Variants in LRP1B observed in about 807,000 individuals in gnomAD.
The protein encoded by LRP1B is LDL receptor related protein 1B.
Under a neutral mutation model 556.6 loss-of-function variants are expected in LRP1B, and 217 were observed. The ratio of observed to expected loss-of-function variants is 0.39; its 90% CI spans 0.35 to 0.44. The LOEUF (loss-of-function observed/expected upper bound fraction) is 0.44, where lower values mean the gene tolerates loss of function less well. Among genes scored for constraint, LRP1B ranks in the 20% least tolerant of loss-of-function variants. The pLI is 1.00. For synonymous variants in LRP1B, 2,047 were observed against 1,865.8 expected (o/e 1.10, Z -2.50); for missense variants, 5,053 against 5,620.8 (o/e 0.90, Z 3.23).
intron 1 of LRP1B, among the ~76,000 whole-genome samples, chr2:141,994,388 A>G (rs1166118847): frequency 6.6e-6 from 1 of 152,198 alleles, no homozygotes; most frequent in Non-Finnish European, 1.5e-5. Flanking sequence ...TTTCTTTTGG[A>G]AATTCACGAA....
intron 2 of LRP1B, among the ~76,000 whole-genome samples, chr2:141,574,672 G>C (rs1686669827): frequency 6.6e-6 from 1 of 152,068 alleles, no homozygotes; most frequent in African/African-American, 2.4e-5. Flanking sequence ...AATCATCTCT[G>C]TTTCCACATG....
intron 15 of LRP1B, among the ~76,000 whole-genome samples, chr2:140,995,237 A>G (rs1053242000): frequency 1.3e-5 from 2 of 152,090 alleles, no homozygotes; most frequent in African/African-American, 4.8e-5. Flanking sequence ...CTTGCAAAAC[A>G]ACATGCAACA....
chr2:140,766,859 T>TATATAATATATATATA (rs1689136998), intron 35 of LRP1B, among the ~76,000 whole-genome samples: 2 of 50,214 alleles, frequency 4.0e-5, no homozygotes, highest in African/African-American at 4.5e-5. Context: ...TATATATATA[T>TATATAATATATATATA]ATATATAATA....
intron 3 of LRP1B, among the ~76,000 whole-genome samples, chr2:141,421,633 A>G (rs368488417): frequency 1.1e-4 from 17 of 152,364 alleles, no homozygotes; most frequent in African/African-American, 3.4e-4. Flanking sequence ...AAAAAGGGCT[A>G]ACAATAATAC....
chr2:142,071,501 A>C (rs1478389321), intron 1 of LRP1B, among the ~76,000 whole-genome samples: 1 of 151,992 alleles, frequency 6.6e-6, no homozygotes, highest in Non-Finnish European at 1.5e-5. Context: ...TAGAAATCAA[A>C]GGAAGAATAA....
rs1559131412 is a variant in LRP1B at position 141,544,356 on chromosome 2, T to TTCTTTTCTTCTTCTTCTTCTTCTTCTTCC, written c.206-63824_206-63823insGGAAGAAGAAGAAGAAGAAGAAGAAAAGA. Among the ~76,000 whole-genome samples, 7 of 96,830 alleles carry TTCTTTTCTTCTTCTTCTTCTTCTTCTTCC rather than the reference T, an allele frequency of 7.2e-5. 1 individual carries two copies. Among genetic ancestry groups the TTCTTTTCTTCTTCTTCTTCTTCTTCTTCC allele is most frequent in the Admixed American group, 2.6e-4 (2 of 7,836 alleles). The allele number at this position is 96,830 out of a possible 152,430, so 63.5% of individuals were successfully genotyped here. On this transcript the variant is annotated intron_variant, in intron 2 of 90. Transcript: ENST00000389484. The stretch of plus-strand genomic sequence containing the variant: ...CTTCTTCTTCTTCTTCTTCTTCTTC[T>TTCTTTTCTTCTTCTTCTTCTTCTTCTTCC]TCTTCTTCTTCTTCTTCTTCTTCTT...
chr2:140,347,187 C>T (rs1009236257), intron 77 of LRP1B, among the ~76,000 whole-genome samples: 4 of 151,612 alleles, frequency 2.6e-5, no homozygotes, highest in African/African-American at 9.7e-5. Context: ...TTGCATAATG[C>T]TGTTATATTC....
At chr2:141,512,651 A>G (rs928153371) in intron 2 of LRP1B, among the ~76,000 whole-genome samples, 1 of 152,184 alleles carries the variant, frequency 6.6e-6, no homozygotes, top group Non-Finnish European at 1.5e-5. Context: ...GGATTTGCTC[A>G]TTACAGCAGT....
intron 85 of LRP1B, among the ~76,000 whole-genome samples, chr2:140,272,941 C>CA (rs1682525984): frequency 6.6e-6 from 1 of 151,900 alleles, no homozygotes; most frequent in South Asian, 2.1e-4. Context: ...TGTTGCACCT[C>CA]AATAGCCTGC....
At chr2:140,260,699 T>C (rs1321242418) in intron 86 of LRP1B, among the ~76,000 whole-genome samples, 1 of 151,836 alleles carries the variant, frequency 6.6e-6, no homozygotes, top group Non-Finnish European at 1.5e-5. Context: ...TTCCCACATT[T>C]ACTTAAGGTC....
At chr2:141,278,832 C>G (rs1004590896) in intron 3 of LRP1B, among the ~76,000 whole-genome samples, 1 of 152,120 alleles carries the variant, frequency 6.6e-6, no homozygotes, top group Non-Finnish European at 1.5e-5. Flanking sequence ...GATACCCTTT[C>G]CTTAATTTTA....
chr2:141,687,316 A>T (rs569329545), intron 2 of LRP1B, among the ~76,000 whole-genome samples: 1 of 152,096 alleles, frequency 6.6e-6, no homozygotes, highest in Admixed American at 6.6e-5. Flanking sequence ...TGAAAATCTG[A>T]CTTTATAATC....
At chr2:141,291,568 G>A (rs1411423576) in intron 3 of LRP1B, among the ~76,000 whole-genome samples, 2 of 151,960 alleles carry the variant, frequency 1.3e-5, no homozygotes, top group African/African-American at 4.8e-5. Context: ...ATTAAAACTT[G>A]TTTGGAGGCC....
chr2:140,353,582 C>T (rs1682072737), intron 75 of LRP1B, among the ~76,000 whole-genome samples: 1 of 152,036 alleles, frequency 6.6e-6, no homozygotes, highest in African/African-American at 2.4e-5. Flanking sequence ...CTTTTCCATA[C>T]AGAATTTCTA....
chr2:140,478,546 T>C (rs1458979259), intron 59 of LRP1B, among the ~76,000 whole-genome samples: 1 of 152,122 alleles, frequency 6.6e-6, no homozygotes, highest in Non-Finnish European at 1.5e-5. Flanking sequence ...TTATCTGCTT[T>C]GTGTATTATG....
chr2:141,973,413 T>C (rs1701799682), intron 1 of LRP1B, among the ~76,000 whole-genome samples: 1 of 151,824 alleles, frequency 6.6e-6, no homozygotes, highest in Non-Finnish European at 1.5e-5. Flanking sequence ...TCCAGATGTA[T>C]ATATATCATA....
At chr2:140,951,657 C>T (rs1195879428) in intron 19 of LRP1B, among the ~76,000 whole-genome samples, 3 of 152,188 alleles carry the variant, frequency 2.0e-5, no homozygotes, top group Non-Finnish European at 2.9e-5. Context: ...CTATCACACA[C>T]CCATGGGGCA....
intron 23 of LRP1B, among the ~76,000 whole-genome samples, chr2:140,902,074 G>C (rs1184994309): frequency 6.6e-6 from 1 of 152,062 alleles, no homozygotes; most frequent in Non-Finnish European, 1.5e-5. Flanking sequence ...TGACTTTGGT[G>C]GTCTGTGCCA....
chr2:140,654,331 G>C (rs2105326998), intron 41 of LRP1B, among the ~76,000 whole-genome samples: 1 of 152,132 alleles, frequency 6.6e-6, no homozygotes, highest in South Asian at 2.1e-4. Flanking sequence ...ACTATTGTGA[G>C]CAAATTATGA....
Sources: gnomAD v4.1 joint callset for allele counts (sites outside exome capture counted in the v4.1 genomes callset) on GRCh38, gnomAD v4.1.1 for gene constraint, MANE v1.5 for transcripts, NCBI Gene and HGNC (gene_info 2026-07-23, HGNC 2026-07-21) for gene names.